Variants in ENPP3 observed in about 807,000 individuals in gnomAD.
ENPP3 encodes ectonucleotide pyrophosphatase/phosphodiesterase family member 3.
In ENPP3, 104 loss-of-function variants were observed where a neutral mutation model predicts 117.8. The observed-to-expected ratio is 0.88, with a 90% confidence interval of 0.75 to 1.04. The LOEUF is 1.04. ENPP3 is among the 50% of genes least tolerant of loss of function. The pLI is 0.00. For missense variants in ENPP3, 1,026 were observed against 1,051.9 expected (o/e 0.98, Z 0.34); for synonymous variants, 380 against 349.9 (o/e 1.09, Z -0.96).
intron 6 of ENPP3, among the ~76,000 whole-genome samples, chr6:131,664,401 C>G (rs1213759424): frequency 6.6e-6 from 1 of 152,026 alleles, no homozygotes; most frequent in Non-Finnish European, 1.5e-5. Flanking sequence ...GTGTTTTAAA[C>G]TCAGTGTTAT....
intron 11 of ENPP3, among the ~76,000 whole-genome samples, chr6:131,680,098 G>A (rs1297375226): frequency 6.6e-6 from 1 of 152,202 alleles, no homozygotes; most frequent in Non-Finnish European, 1.5e-5. Context: ...CTTTTATTGT[G>A]TAAGAGGAAT....
At chr6:131,649,663 C>T (rs770125344) in intron 2 of ENPP3, among the ~76,000 whole-genome samples, 4 of 152,178 alleles carry the variant, frequency 2.6e-5, no homozygotes, top group Non-Finnish European at 5.9e-5. Context: ...TCAAGCAATT[C>T]TCCTGCCTCA....
At chr6:131,740,738 C>T (rs988004309) in intron 24 of ENPP3, among the ~76,000 whole-genome samples, 10 of 151,970 alleles carry the variant, frequency 6.6e-5, no homozygotes, top group African/African-American at 1.2e-4. Flanking sequence ...TGTTTGAATG[C>T]GTGCATACTT....
intron 15 of ENPP3, among the ~76,000 whole-genome samples, chr6:131,707,270 T>C (rs191346367): frequency 0.037 from 5,135 of 139,634 alleles, 12 homozygotes; most frequent in East Asian, 0.17. Context: ...GTTATGTGTG[T>C]TTATGTCTGT....
intron 14 of ENPP3, among the ~76,000 whole-genome samples, chr6:131,686,775 G>C (rs1288183860): frequency 6.6e-6 from 1 of 152,138 alleles, no homozygotes; most frequent in Non-Finnish European, 1.5e-5. Flanking sequence ...TTGGTTTTCT[G>C]TTCCTGCATT....
intron 6 of ENPP3, among the ~76,000 whole-genome samples, chr6:131,662,153 A>G (rs1157070022): frequency 1.3e-5 from 2 of 152,138 alleles, no homozygotes; most frequent in African/African-American, 2.4e-5. Context: ...TGGAGCAACT[A>G]TTATTTCCCC....
chr6:131,638,456 C>G (rs768569731), intron 1 of ENPP3: 1 of 447,084 alleles, frequency 2.2e-6, no homozygotes, highest in African/African-American at 2.0e-5. Flanking sequence ...GACAGGGTCT[C>G]TCTCCTTTGG....
chr6:131,727,154 C>A (rs912684979), intron 20 of ENPP3, among the ~76,000 whole-genome samples: 26 of 152,110 alleles, frequency 1.7e-4, no homozygotes, highest in Admixed American at 1.6e-3. Context: ...AAATTTCCAC[C>A]AATCAACAAC....
intron 1 of ENPP3, among the ~76,000 whole-genome samples, chr6:131,638,962 G>T (rs1490207084): frequency 1.3e-5 from 2 of 151,906 alleles, no homozygotes; most frequent in African/African-American, 2.4e-5. Context: ...GCACTAGCCT[G>T]TTTCAAATGC....
intron 15 of ENPP3, chr6:131,708,868 C>T (rs758941386): frequency 4.4e-6 from 7 of 1,608,898 alleles, no homozygotes; most frequent in East Asian, 2.2e-5. Context: ...AGGAGGTCCT[C>T]TTCTCATGAA....
chr6:131,727,603 C>T (rs1408153595), intron 20 of ENPP3, among the ~76,000 whole-genome samples: 2 of 150,938 alleles, frequency 1.3e-5, no homozygotes, highest in Non-Finnish European at 2.9e-5. Flanking sequence ...TAAAGTATGC[C>T]TAAAGTCAGT....
chr6:131,709,651 A>G (rs776005714), intron 15 of ENPP3: 9 of 1,612,454 alleles, frequency 5.6e-6, no homozygotes, highest in Middle Eastern at 1.7e-4. Flanking sequence ...CTCGTAGGAA[A>G]TAACCTGCTT....
chr6:131,686,269 T>A (rs918025024), intron 14 of ENPP3, among the ~76,000 whole-genome samples: 40 of 152,302 alleles, frequency 2.6e-4, no homozygotes, highest in African/African-American at 9.4e-4. Context: ...TACAGATCTT[T>A]TTTTTACAAG....
At chr6:131,672,465 T>C (rs1469479675) in intron 7 of ENPP3, among the ~76,000 whole-genome samples, 8 of 152,114 alleles carry the variant, frequency 5.3e-5, no homozygotes, top group Non-Finnish European at 1.2e-4. Flanking sequence ...GAACCAACAA[T>C]ATACATAAAT....
chr6:131,727,567 A>C (rs1226864016), intron 20 of ENPP3, among the ~76,000 whole-genome samples: 1 of 151,716 alleles, frequency 6.6e-6, no homozygotes, highest in Non-Finnish European at 1.5e-5. Context: ...AAAAAAAAAA[A>C]AAAAAAAAAA....
At chr6:131,713,355 A>G (rs1486655784) in intron 15 of ENPP3, among the ~76,000 whole-genome samples, 4 of 151,162 alleles carry the variant, frequency 2.6e-5, no homozygotes, top group Non-Finnish European at 5.9e-5. Context: ...GCCAGATTGT[A>G]TAGTTTTTTA....
intron 19 of ENPP3, 131 bp downstream of exon 19, chr6:131,724,222 A>G: frequency 1.6e-6 from 1 of 618,404 alleles, no homozygotes; most frequent in South Asian, 2.1e-5. Context: ...CAATATACAA[A>G]AGGTAAAAAA....
intron 6 of ENPP3, among the ~76,000 whole-genome samples, chr6:131,669,517 T>C (rs1412890760): frequency 6.6e-6 from 1 of 151,282 alleles, no homozygotes; most frequent in Non-Finnish European, 1.5e-5. Context: ...TACTAAAAAA[T>C]ACAAAAATTA....
chr6:131,724,080 C>T lies in ENPP3; in HGVS notation c.1787C>T (p.Thr596Ile). 3 of 1,609,372 alleles carry T rather than the reference C, an allele frequency of 1.9e-6. No individual in the cohort carries two copies. Among genetic ancestry groups the T allele is most frequent in the Non-Finnish European group, 2.6e-6 (3 of 1,176,124 alleles). ...CAAGTGAATCAGATGCTAAATCTCA[C>T]CCAAGAAGAAAGTAAGTCAATAGAA... Reference protein sequence around the residue: ...LEQVNQMLNLTQEEITATVKV... With the variant: ...LEQVNQMLNLIQEEITATVKV... The change falls in exon 19 of 25, where the codon ACC (threonine) becomes ATC (isoleucine). Residue 596 changes from threonine (T) to isoleucine (I), a missense_variant. Physicochemically the swap from Thr to Ile is moderately conservative, Grantham distance 89. Transcript: ENST00000357639.
Sources: allele counts gnomAD v4.1 joint callset (sites outside exome capture counted in the v4.1 genomes callset), GRCh38; gene constraint gnomAD v4.1.1; transcripts MANE v1.5; gene names NCBI Gene and HGNC (gene_info 2026-07-23, HGNC 2026-07-21).